Variants in CACNA2D3 observed in about 807,000 individuals in gnomAD.
CACNA2D3 encodes the protein voltage-dependent calcium channel subunit alpha-2/delta-3.
Under a neutral mutation model 160.6 loss-of-function variants are expected in CACNA2D3, and 60 were observed. The observed-to-expected ratio is 0.37, with a 90% CI of 0.30 to 0.46. The LOEUF is 0.46. Ranked by LOEUF, CACNA2D3 falls within the 20% of genes least tolerant of loss-of-function variation. The probability of loss-of-function intolerance (pLI) is 1.00; values close to 1 mark genes in which losing one functional copy is unlikely to be tolerated. For synonymous variants in CACNA2D3, 558 were observed against 492.9 expected, an observed-to-expected ratio of 1.13 and a Z score of -1.75; for missense variants, 1,205 against 1,365.0, an observed-to-expected ratio of 0.88 and a Z score of 1.85.
intron 35 of CACNA2D3, among the ~76,000 whole-genome samples, chr3:55,054,934 G>A (rs1433220311): frequency 6.6e-6 from 1 of 151,962 alleles, no homozygotes; most frequent in Non-Finnish European, 1.5e-5. Flanking sequence ...TTTGCCTCTA[G>A]CCCTGGAATA....
At chr3:54,246,839 G>T (rs1025169545) in intron 2 of CACNA2D3, among the ~76,000 whole-genome samples, 35 of 152,306 alleles carry the variant, frequency 2.3e-4, no homozygotes, top group African/African-American at 8.2e-4. Flanking sequence ...GAGAAAAGCT[G>T]CTATGAACCA....
At chr3:54,383,643 G>T (rs963655458) in intron 3 of CACNA2D3, among the ~76,000 whole-genome samples, 9 of 152,086 alleles carry the variant, frequency 5.9e-5, no homozygotes, top group African/African-American at 2.2e-4. Context: ...GTACTAAAAT[G>T]AGAGCAATCC....
intron 20 of CACNA2D3, 42 bp from the exon 21 acceptor site, chr3:54,880,754 C>T (rs750810762): frequency 2.4e-5 from 37 of 1,522,224 alleles, no homozygotes; most frequent in South Asian, 1.1e-4. Flanking sequence ...CTATTCGAGT[C>T]GATGCCAGGG....
intron 2 of CACNA2D3, among the ~76,000 whole-genome samples, chr3:54,285,460 G>C (rs1162839573): frequency 1.3e-5 from 2 of 152,210 alleles, no homozygotes; most frequent in East Asian, 3.9e-4. Flanking sequence ...GCCCACCACA[G>C]CTCAAGGAGG....
rs903239323 is a variant in CACNA2D3 at position 54,265,710 on chromosome 3, T to TTA, written c.205-54727_205-54726dup. On this transcript the variant is annotated intron_variant, in intron 2 of 37. Transcript: ENST00000474759. ...TATAGTGTGGGTATATATAGTGTGT[T>TTA]TATATACGCACACACACAGATGCAT... 2.7e-5 allele frequency among the ~76,000 whole-genome samples: 4 copies of TTA among 150,484 alleles called. No homozygotes were observed. The East Asian group carries it at 7.9e-4, about 30-fold the overall frequency.
chr3:54,954,313 G>T (rs1463330021), intron 27 of CACNA2D3, among the ~76,000 whole-genome samples: 2 of 152,216 alleles, frequency 1.3e-5, no homozygotes, highest in African/African-American at 4.8e-5. Flanking sequence ...CTTCCCCACT[G>T]AGTTGTCTGT....
At chr3:54,781,510 G>C (rs1049715257) in intron 13 of CACNA2D3, among the ~76,000 whole-genome samples, 2 of 152,162 alleles carry the variant, frequency 1.3e-5, no homozygotes, top group Non-Finnish European at 2.9e-5. Context: ...CAGATGTAAA[G>C]TTACCTAGTT....
At chr3:54,326,904 CTA>C (rs1418820739) in intron 3 of CACNA2D3, among the ~76,000 whole-genome samples, 2 of 152,090 alleles carry the variant, frequency 1.3e-5, no homozygotes, top group Non-Finnish European at 2.9e-5. Context: ...AGGGAGGAGA[CTA>C]TTAATTTTTT....
At chr3:54,155,721 C>G (rs923056907) in intron 2 of CACNA2D3, among the ~76,000 whole-genome samples, 4 of 152,156 alleles carry the variant, frequency 2.6e-5, no homozygotes, top group Admixed American at 2.0e-4. Context: ...AACTCTTTGC[C>G]ATCAGCTCTC....
At chr3:55,051,068 A>C (rs1393002200) in intron 35 of CACNA2D3, among the ~76,000 whole-genome samples, 1 of 151,172 alleles carries the variant, frequency 6.6e-6, no homozygotes, top group African/African-American at 2.4e-5. Context: ...CGTAGCTCAG[A>C]GTAATTTGAT....
At chr3:54,558,530 A>T (rs1702274683) in intron 5 of CACNA2D3, among the ~76,000 whole-genome samples, 1 of 152,120 alleles carries the variant, frequency 6.6e-6, no homozygotes, top group Admixed American at 6.5e-5. Context: ...TAATAAGCAT[A>T]GTACCCAATT....
intron 14 of CACNA2D3, among the ~76,000 whole-genome samples, chr3:54,823,951 A>C (rs1575497138): frequency 6.6e-6 from 1 of 152,326 alleles, no homozygotes; most frequent in East Asian, 1.9e-4. Context: ...TAATTGTTTT[A>C]CTCATAAATA....
chr3:54,619,200 ACCT>A (rs1349582274), intron 9 of CACNA2D3, among the ~76,000 whole-genome samples: 4 of 152,104 alleles, frequency 2.6e-5, no homozygotes, highest in Non-Finnish European at 4.4e-5. Context: ...AGTCCACATG[ACCT>A]CACAAGAAGG....
At chr3:54,777,851 C>G (rs1702453589) in intron 13 of CACNA2D3, among the ~76,000 whole-genome samples, 1 of 152,162 alleles carries the variant, frequency 6.6e-6, no homozygotes, top group African/African-American at 2.4e-5. Context: ...CATCTTGAGA[C>G]CACATTAGAT....
At chr3:54,777,380 C>T (rs908536144) in intron 13 of CACNA2D3, among the ~76,000 whole-genome samples, 12 of 152,162 alleles carry the variant, frequency 7.9e-5, no homozygotes, top group African/African-American at 2.4e-4. Flanking sequence ...CTGCTGGTGA[C>T]ACATGCTCTT....
chr3:54,162,561 T>C (rs1457586895), intron 2 of CACNA2D3, among the ~76,000 whole-genome samples: 3 of 152,178 alleles, frequency 2.0e-5, no homozygotes, highest in Admixed American at 1.3e-4. Flanking sequence ...GCATCACTTA[T>C]GCCATCCTGG....
At chr3:54,412,339 G>A (rs1575441314) in intron 4 of CACNA2D3, among the ~76,000 whole-genome samples, 1 of 151,918 alleles carries the variant, frequency 6.6e-6, no homozygotes, top group Non-Finnish European at 1.5e-5. Flanking sequence ...TGGTATTAAA[G>A]TCTTCAAATA....
At chr3:54,193,000 G>A (rs1701010961) in intron 2 of CACNA2D3, among the ~76,000 whole-genome samples, 1 of 152,294 alleles carries the variant, frequency 6.6e-6, no homozygotes, top group East Asian at 1.9e-4. Flanking sequence ...CCCATACCTG[G>A]GATGAGGAGG....
At chr3:54,597,172 G>A (rs984510810) in intron 9 of CACNA2D3, among the ~76,000 whole-genome samples, 1 of 152,166 alleles carries the variant, frequency 6.6e-6, no homozygotes, top group African/African-American at 2.4e-5. Flanking sequence ...TCATTAGGGT[G>A]AGGCCTTCTT....
Sources: allele counts gnomAD v4.1 joint callset (sites outside exome capture counted in the v4.1 genomes callset), GRCh38; gene constraint gnomAD v4.1.1; transcripts MANE v1.5; gene names NCBI Gene and HGNC (gene_info 2026-07-23, HGNC 2026-07-21).